ARK2C: variants seen among roughly 807,000 people sequenced by gnomAD.
ARK2C encodes the protein arkadia (RNF111) C-terminal like ring finger ubiquitin ligase 2C.
chr18:46,334,198 C>A, the ARK2C span: 2 of 942,392 alleles, frequency 2.1e-6, no homozygotes, highest in South Asian at 4.7e-5. The surrounding 1 kb of genome is among the most constrained non-coding windows in gnomAD (Gnocchi z 4.4). Context: ...CCGCCGCCGC[C>A]CGCGCCCGCG....
At chr18:46,454,861 G>T in the ARK2C span, among the ~76,000 whole-genome samples, 1 of 152,204 alleles carries the variant, frequency 6.6e-6, no homozygotes, top group Non-Finnish European at 1.5e-5. Context: ...CTCACGACTA[G>T]ATTTCTTCTT....
chr18:46,462,558 C>T, the ARK2C span: 1 of 152,826 alleles, frequency 6.5e-6, no homozygotes, highest in Non-Finnish European at 1.5e-5. Flanking sequence ...GGCTTCCTGC[C>T]TAGCTTCCCC....
chr18:46,372,620 G>C, the ARK2C span, among the ~76,000 whole-genome samples: 3 of 152,336 alleles, frequency 2.0e-5, no homozygotes, highest in Admixed American at 2.0e-4. Context: ...GTTCCAATGA[G>C]AGAGGCTGGC....
the ARK2C span, among the ~76,000 whole-genome samples, chr18:46,437,053 G>T: frequency 6.6e-6 from 1 of 151,758 alleles, no homozygotes; most frequent in Non-Finnish European, 1.5e-5. Flanking sequence ...AAACCTCCTT[G>T]TCTTTCTTAA....
the ARK2C span, among the ~76,000 whole-genome samples, chr18:46,357,286 C>A: frequency 6.6e-6 from 1 of 152,204 alleles, no homozygotes; most frequent in Admixed American, 6.5e-5. Flanking sequence ...TATTAAGTAA[C>A]AAGCACTGCT....
chr18:46,440,954 T>G, the ARK2C span, among the ~76,000 whole-genome samples: 1 of 152,144 alleles, frequency 6.6e-6, no homozygotes, highest in African/African-American at 2.4e-5. Flanking sequence ...CTCATCTACT[T>G]TCTGGAAGAG....
the ARK2C span, chr18:46,335,948 T>G: frequency 1.0e-6 from 1 of 985,476 alleles, no homozygotes. Context: ...CGCATTTAGC[T>G]GTATTGTGAC....
chr18:46,362,537 C>A, the ARK2C span, among the ~76,000 whole-genome samples: 1 of 152,178 alleles, frequency 6.6e-6, no homozygotes, highest in African/African-American at 2.4e-5. Context: ...TCCCTGCAAA[C>A]CCTGAAGAAC....
the ARK2C span, among the ~76,000 whole-genome samples, chr18:46,400,924 T>C: frequency 5.9e-5 from 9 of 152,108 alleles, no homozygotes; most frequent in Non-Finnish European, 8.8e-5. Context: ...GGGCTTTGAC[T>C]GGGCAGGTGG....
At chr18:46,411,543 C>T in the ARK2C span, among the ~76,000 whole-genome samples, 1 of 152,234 alleles carries the variant, frequency 6.6e-6, no homozygotes, top group Non-Finnish European at 1.5e-5. Flanking sequence ...CTACTATGTG[C>T]CAGCAGTGAG....
At chr18:46,409,886 C>T in the ARK2C span, among the ~76,000 whole-genome samples, 1 of 152,172 alleles carries the variant, frequency 6.6e-6, no homozygotes, top group Non-Finnish European at 1.5e-5. Context: ...GTCTTTTGTA[C>T]TTACCAGCCA....
chr18:46,421,925 C>T, the ARK2C span, among the ~76,000 whole-genome samples: 2 of 152,174 alleles, frequency 1.3e-5, no homozygotes, highest in African/African-American at 4.8e-5. Context: ...TAAAGGATCC[C>T]TTTGGGCATA....
chr18:46,421,303 C>A, the ARK2C span, among the ~76,000 whole-genome samples: 1 of 152,248 alleles, frequency 6.6e-6, no homozygotes, highest in Non-Finnish European at 1.5e-5. Context: ...TGAGAGGCAG[C>A]TGCTTGCACA....
chr18:46,402,739 G>T, the ARK2C span, among the ~76,000 whole-genome samples: 1 of 152,190 alleles, frequency 6.6e-6, no homozygotes, highest in Non-Finnish European at 1.5e-5. Context: ...GGGCTCAAAT[G>T]ATCCTCTGGC....
chr18:46,459,023 G>A, the ARK2C span: 8 of 152,234 alleles, frequency 5.3e-5, no homozygotes, highest in African/African-American at 1.9e-4. Flanking sequence ...TGAGACTTCT[G>A]CCCCATTCTC....
the ARK2C span, among the ~76,000 whole-genome samples, chr18:46,357,388 A>C: frequency 2.6e-5 from 4 of 152,194 alleles, no homozygotes; most frequent in African/African-American, 9.7e-5. Context: ...AGAGTAAGCA[A>C]ATGATCCACA....
chr18:46,436,331 CAGAG>C, the ARK2C span, among the ~76,000 whole-genome samples: 1 of 151,668 alleles, frequency 6.6e-6, no homozygotes, highest in African/African-American at 2.4e-5. Context: ...GAAAGGGAGA[CAGAG>C]AGAGAAGGAA....
chr18:46,425,452 G>C, the ARK2C span, among the ~76,000 whole-genome samples: 7 of 152,228 alleles, frequency 4.6e-5, no homozygotes, highest in Non-Finnish European at 2.9e-5. Context: ...CAGGCTGCCT[G>C]TTCTTCCCCT....
chr18:46,358,203 C>T, the ARK2C span, among the ~76,000 whole-genome samples: 1 of 152,266 alleles, frequency 6.6e-6, no homozygotes, highest in South Asian at 2.1e-4. Context: ...AGCTGGACCC[C>T]CTGTGAGGGC....
Sources: allele counts gnomAD v4.1 joint callset (sites outside exome capture counted in the v4.1 genomes callset), GRCh38; gene constraint gnomAD v4.1.1; non-coding constraint Gnocchi (gnomAD v3.1); transcripts MANE v1.5; gene names NCBI Gene and HGNC (gene_info 2026-07-23, HGNC 2026-07-21).